Variants in PHLPP1 observed in about 807,000 individuals in gnomAD.
The protein encoded by PHLPP1 is PH domain and leucine rich repeat protein phosphatase 1, also known as PH domain leucine-rich repeat-containing protein phosphatase 1.
In PHLPP1, 42 loss-of-function variants were observed where a neutral mutation model predicts 117.2. The ratio of observed to expected loss-of-function variants is 0.36; its 90% CI spans 0.28 to 0.46. PHLPP1 has a LOEUF of 0.46. PHLPP1 is among the 20% of genes least tolerant of loss of function. The probability of loss-of-function intolerance (pLI) is 1.00; values close to 1 mark genes in which losing one functional copy is unlikely to be tolerated. For missense variants in PHLPP1, 2,084 were observed against 2,241.9 expected (o/e 0.93, Z 1.42); for synonymous variants, 1,042 against 970.7 (o/e 1.07, Z -1.37).
chr18:62,828,918 C>A (rs1201969418), intron 1 of PHLPP1, among the ~76,000 whole-genome samples: 1 of 152,154 alleles, frequency 6.6e-6, no homozygotes, highest in Non-Finnish European at 1.5e-5. Flanking sequence ...ATTATCTGTT[C>A]AGTATCTAGA....
At chr18:62,865,388 T>C (rs1307863164) in intron 4 of PHLPP1, among the ~76,000 whole-genome samples, 1 of 152,182 alleles carries the variant, frequency 6.6e-6, no homozygotes, top group Non-Finnish European at 1.5e-5. Context: ...TTTTTTTTTC[T>C]TTTTGGCTGA....
chr18:62,716,196 C>T lies in PHLPP1; in HGVS notation c.513C>T (p.Ser171=). The change falls in exon 1 of 17, where the codon AGC becomes AGT. Residue 171 remains serine (S), a synonymous_variant. Coordinates refer to ENST00000262719, the MANE Select transcript of PHLPP1 (RefSeq NM_194449.4). This position sits in a 1 kb window ranked among gnomAD's most constrained non-coding sequence, Gnocchi z 5.7. ...CCTCGGCGTCGCTGTGCACCCGGAG[C>T]CTGGACAGGAAGACGCTGCTTCTGA... ...CSASASLCTR[S]LDRKTLLLKH... 3 of 1,521,588 alleles carry T rather than the reference C, an allele frequency of 2.0e-6. No homozygotes were observed. Among genetic ancestry groups the T allele is most frequent in the Non-Finnish European group, 2.6e-6 (3 of 1,140,570 alleles). The allele number at this position is 1,521,588 out of a possible 1,614,324, so 94.3% of individuals were successfully genotyped here.
intron 1 of PHLPP1, among the ~76,000 whole-genome samples, chr18:62,741,827 G>A (rs1911535524): frequency 6.6e-6 from 1 of 151,394 alleles, no homozygotes; most frequent in Admixed American, 6.6e-5. Flanking sequence ...AAGCCCTGAG[G>A]TAGGAAGCCC....
intron 15 of PHLPP1, among the ~76,000 whole-genome samples, chr18:62,974,835 A>G (rs1170809340): frequency 2.0e-5 from 3 of 148,056 alleles, no homozygotes; most frequent in African/African-American, 8.0e-5. Context: ...GAAAGTCTTT[A>G]CTATATAGGG....
chr18:62,942,017 G>C (rs183427076), intron 11 of PHLPP1, 99 bp downstream of exon 11: 2 of 961,854 alleles, frequency 2.1e-6, no homozygotes, highest in East Asian at 5.1e-5. Context: ...GTGATGTCAA[G>C]TTTGTTTGCT....
chr18:62,729,035 C>T (rs973903260), intron 1 of PHLPP1, among the ~76,000 whole-genome samples: 7 of 152,146 alleles, frequency 4.6e-5, no homozygotes, highest in Middle Eastern at 6.8e-3. Context: ...ACCCATGGTA[C>T]GTTAGTGCTG....
intron 3 of PHLPP1, among the ~76,000 whole-genome samples, chr18:62,842,581 C>G (rs539480089): frequency 6.6e-6 from 1 of 151,852 alleles, no homozygotes; most frequent in African/African-American, 2.4e-5. Flanking sequence ...CCAGGCTGGT[C>G]TTGAACTCCT....
rs192588383 is a variant in PHLPP1 at position 62,861,357 on chromosome 18, G to C, written c.2066+756G>C. Among the ~76,000 whole-genome samples the C allele has an allele frequency of 5.3e-5, 8 of 152,234 alleles. No homozygotes were observed. In the East Asian group the frequency reaches 1.5e-3, roughly 29 times the overall value. The stretch of plus-strand genomic sequence containing the variant: ...AACCTCAAGTGATCTGCCCTTCTTG[G>C]CCTCCCAAAGTGCTGTGATTATAGG... On this transcript the variant is annotated intron_variant, in intron 4 of 16. Coordinates refer to ENST00000262719, the MANE Select transcript of PHLPP1 (RefSeq NM_194449.4).
chr18:62,716,788 G>A lies in PHLPP1; in HGVS notation c.1105G>A (p.Gly369Ser). Residue 369 changes from glycine to serine, a missense_variant, in exon 1 of 17, where the codon GGC (glycine) becomes AGC (serine). Gly to Ser is a moderately conservative substitution (Grantham distance 56). Around this residue, in one of 2 missense-constraint regions of PHLPP1, gnomAD observed 719 missense variants for 636.0 expected, o/e 1.13. Transcript: ENST00000262719. The surrounding 1 kb of genome is among the most constrained non-coding windows in gnomAD (Gnocchi z 5.7). ...VSDRLDPYSS[G>S]GGSSSSSEEL... ...TGACCGGTTGGACCCCTACAGCAGC[G>A]GCGGCGGCTCCTCGTCGTCGTCGGA... The A allele has an allele frequency of 6.6e-7, 1 of 1,526,012 alleles. No homozygotes were observed. The highest frequency in any genetic ancestry group is 8.8e-7 in the Non-Finnish European group (1 of 1,142,072). 94.5% of individuals were successfully genotyped at this position (1,526,012 alleles called of 1,614,324 possible).
chr18:62,962,284 T>TTATG (rs1910792833), intron 13 of PHLPP1, among the ~76,000 whole-genome samples: 1 of 152,038 alleles, frequency 6.6e-6, no homozygotes, highest in African/African-American at 2.4e-5. Context: ...TTTATGTTCT[T>TTATG]TTATGTTATG....
At chr18:62,958,859 TTGTTAGCTG>T in intron 13 of PHLPP1, 100 bp downstream of exon 13, 1 of 1,341,738 alleles carries the variant, frequency 7.5e-7, no homozygotes, top group Non-Finnish European at 1.0e-6. Context: ...CATCATTGAC[TTGTTAGCTG>T]TGTTAACACA....
chr18:62,782,863 C>T (rs781699515), intron 1 of PHLPP1, among the ~76,000 whole-genome samples: 8 of 152,012 alleles, frequency 5.3e-5, no homozygotes, highest in Non-Finnish European at 8.8e-5. Flanking sequence ...CAGATGTTTT[C>T]GGGGCAAAGC....
At chr18:62,783,213 C>A (rs1013840069) in intron 1 of PHLPP1, among the ~76,000 whole-genome samples, 3 of 148,544 alleles carry the variant, frequency 2.0e-5, no homozygotes, top group Admixed American at 6.7e-5. Flanking sequence ...TCCCCACAAG[C>A]CTTTCTTTTT....
chr18:62,772,773 G>T (rs1912826792), intron 1 of PHLPP1, among the ~76,000 whole-genome samples: 3 of 145,666 alleles, frequency 2.1e-5, no homozygotes, highest in African/African-American at 8.0e-5. Context: ...GGAGGTTACA[G>T]TGAGCTGAGA....
rs1429128417 is a variant in PHLPP1 at position 62,716,381 on chromosome 18, G to A, written c.698G>A (p.Arg233His). 6 of 1,486,766 alleles carry A rather than the reference G, an allele frequency of 4.0e-6. No individual in the cohort carries two copies. In the African/African-American group the frequency reaches 4.4e-5, roughly 11 times the overall value. The allele number at this position is 1,486,766 out of a possible 1,614,324, so 92.1% of individuals were successfully genotyped here. Residue 233 changes from arginine to histidine, a missense_variant, in exon 1 of 17, where the codon CGC becomes CAC. This residue lies in a region of PHLPP1 where 719 missense variants were observed against 636.0 expected (regional missense o/e 1.13). Transcript: ENST00000262719. The surrounding 1 kb of genome is among the most constrained non-coding windows in gnomAD (Gnocchi z 5.7). ...LDTTAGEVAA[R>H]LLQLGHKGGG... ...ACCACGGCCGGCGAGGTGGCCGCCC[G>A]CCTGCTGCAGCTGGGCCACAAAGGC...
intron 1 of PHLPP1, among the ~76,000 whole-genome samples, chr18:62,771,562 C>G (rs933820859): frequency 8.5e-5 from 13 of 152,200 alleles, no homozygotes; most frequent in Admixed American, 8.5e-4. Context: ...CATCCGTACA[C>G]TGATGATGTT....
chr18:62,917,235 CA>C (rs1292871974), intron 9 of PHLPP1, among the ~76,000 whole-genome samples: 6 of 148,036 alleles, frequency 4.1e-5, no homozygotes, highest in Admixed American at 4.0e-4. Flanking sequence ...TATATATAAA[CA>C]AACAAATTCA....
Position 62,824,240 on chromosome 18 carries a change from A to G in PHLPP1, c.1577-5795A>G, listed in dbSNP as rs183645431. ...CCAGCCATTCCAATCCTAGGTATTT[A>G]CCCGAGAGGAATCAAAACATTTGTC... On this transcript the variant is annotated intron_variant, in intron 1 of 16. Transcript: ENST00000262719. 9.9e-5 allele frequency: 45 copies of G among 455,516 alleles called. No homozygotes were observed. In the East Asian group the frequency reaches 1.7e-3, roughly 18 times the overall value. The allele number at this position is 455,516 out of a possible 1,614,324, so 28.2% of individuals were successfully genotyped here. A position where few individuals can be genotyped will look rare whatever the true frequency, so the allele number is the denominator to read the frequency against.
chr18:62,957,451 C>A (rs1366948193), intron 12 of PHLPP1, among the ~76,000 whole-genome samples: 3 of 151,850 alleles, frequency 2.0e-5, no homozygotes, highest in Non-Finnish European at 4.4e-5. Flanking sequence ...CTTGACTCAG[C>A]CCCTTTTTTT....
Sources: gnomAD v4.1 joint callset for allele counts (sites outside exome capture counted in the v4.1 genomes callset) on GRCh38, gnomAD v4.1.1 for gene constraint, gnomAD v4.1.1 regional missense constraint, Gnocchi (gnomAD v3.1) non-coding constraint, MANE v1.5 for transcripts, NCBI Gene and HGNC (gene_info 2026-07-23, HGNC 2026-07-21) for gene names.